The following VRK2 variants were observed in gnomAD, a reference collection of about 807,000 sequenced individuals.
The protein encoded by VRK2 is serine/threonine-protein kinase VRK2.
A neutral mutation model predicts 57.6 loss-of-function variants in VRK2; 60 were observed. The ratio of observed to expected loss-of-function variants is 1.04; its 90% CI spans 0.85 to 1.29. The LOEUF (loss-of-function observed/expected upper bound fraction) is 1.29. Ranked by LOEUF, VRK2 falls within the 50% of genes most tolerant of loss-of-function variation. The pLI is 0.00. For missense variants in VRK2, 705 were observed against 588.1 expected (o/e 1.20, Z -2.06); for synonymous variants, 231 against 199.2 (o/e 1.16, Z -1.35).
intron 1 of VRK2, among the ~76,000 whole-genome samples, chr2:57,997,572 G>A (rs1035236875): frequency 2.6e-5 from 4 of 152,210 alleles, no homozygotes; most frequent in Non-Finnish European, 5.9e-5. Context: ...TAGATATGCT[G>A]AGTCAATAGA....
intron 2 of VRK2, among the ~76,000 whole-genome samples, chr2:58,080,067 G>T (rs1487511820): frequency 6.6e-6 from 1 of 151,814 alleles, no homozygotes; most frequent in African/African-American, 2.4e-5. Context: ...TAGGTGCTTG[G>T]AACACATCTG....
chr2:57,969,843 C>T (rs1164100294), intron 1 of VRK2, among the ~76,000 whole-genome samples: 1 of 151,998 alleles, frequency 6.6e-6, no homozygotes, highest in African/African-American at 2.4e-5. Context: ...GATTTGGTAG[C>T]CCCATTGTCC....
chr2:58,073,437 G>C (rs1669623664), intron 2 of VRK2, among the ~76,000 whole-genome samples: 1 of 151,730 alleles, frequency 6.6e-6, no homozygotes, highest in African/African-American at 2.4e-5. Context: ...GGATTTGTCT[G>C]TTTTTCCTTC....
intron 7 of VRK2, among the ~76,000 whole-genome samples, chr2:58,100,833 A>C (rs1673854867): frequency 6.6e-6 from 1 of 151,892 alleles, no homozygotes; most frequent in Non-Finnish European, 1.5e-5. Flanking sequence ...TTTTATTTCC[A>C]TCTAACTTTG....
intron 8 of VRK2, among the ~76,000 whole-genome samples, chr2:58,129,789 T>C (rs1049881144): frequency 6.6e-6 from 1 of 152,186 alleles, no homozygotes; most frequent in African/African-American, 2.4e-5. Flanking sequence ...GTCAGAAACA[T>C]TTTTAGTCAC....
intron 2 of VRK2, among the ~76,000 whole-genome samples, chr2:58,028,895 AATAAATAAATATATATATATATATATAT>A (rs1674019887): frequency 1.7e-5 from 1 of 57,312 alleles, no homozygotes; most frequent in African/African-American, 7.1e-5. Flanking sequence ...TAAATAAATA[AATAAATAAATATATATATATATATATAT>A]ATATATATAT....
chr2:58,002,916 A>C (rs1673133087), intron 1 of VRK2, among the ~76,000 whole-genome samples: 1 of 152,236 alleles, frequency 6.6e-6, no homozygotes, highest in East Asian at 1.9e-4. Context: ...ACTTGTAGAA[A>C]GAAAATCAAC....
At chr2:58,116,822 A>G (rs1676583731) in intron 7 of VRK2, among the ~76,000 whole-genome samples, 1 of 152,176 alleles carries the variant, frequency 6.6e-6, no homozygotes, top group African/African-American at 2.4e-5. Context: ...CTTAGGAGGA[A>G]TCCTGGGCTG....
intron 1 of VRK2, among the ~76,000 whole-genome samples, chr2:57,927,562 T>C (rs1344089689): frequency 1.3e-5 from 2 of 152,194 alleles, no homozygotes; most frequent in African/African-American, 4.8e-5. Flanking sequence ...TTAGTCTTTC[T>C]ACTCAGGATA....
rs370418002 is a variant in VRK2 at position 57,935,744 on chromosome 2, C to A, written c.-439+27905C>A. Among the ~76,000 whole-genome samples, 53 of 152,240 alleles carry A rather than the reference C, an allele frequency of 3.5e-4. 1 individual carries two copies. In the South Asian group the frequency reaches 0.01, roughly 30 times the overall value. On this transcript the variant is annotated intron_variant, in intron 1 of 15. Coordinates refer to the VRK2 transcript ENST00000417641. ...AAAAAGTATACCTTTTGGGAAATATCCTGCATGGCTAGAGGAACAAGGTGC... is the reference window on the plus strand; with the variant it reads ...AAAAAGTATACCTTTTGGGAAATATACTGCATGGCTAGAGGAACAAGGTGC...
chr2:58,139,471 A>T (rs1681014123), intron 10 of VRK2, among the ~76,000 whole-genome samples, 195 bp from the exon 11 acceptor site: 1 of 152,098 alleles, frequency 6.6e-6, no homozygotes, highest in South Asian at 2.1e-4. Context: ...TTGTCTCATC[A>T]ATTCTGTAGG....
At chr2:58,087,364 C>T (rs529958050) in intron 5 of VRK2, among the ~76,000 whole-genome samples, 7 of 152,094 alleles carry the variant, frequency 4.6e-5, no homozygotes, top group Non-Finnish European at 1.0e-4. Flanking sequence ...CATGATACAT[C>T]CATATCATGT....
chr2:58,088,461 T>C lies in VRK2; in HGVS notation c.450+15T>C, dbSNP rs1671937547. The stretch of plus-strand genomic sequence containing the variant: ...GTATCCGAATGGTAAGAATTACTTA[T>C]TTCGCATGCTCCATTTCCAAATTGT... On this transcript the variant is annotated intron_variant, in intron 6 of 12. Transcript: ENST00000340157. 6.5e-7 allele frequency: 1 copy of C among 1,539,142 alleles called. No individual in the cohort carries two copies. The highest frequency in any genetic ancestry group is 1.7e-5 in the Admixed American group (1 of 58,602).
At chr2:58,026,492 A>G (rs573826366) in intron 2 of VRK2, among the ~76,000 whole-genome samples, 14 of 152,340 alleles carry the variant, frequency 9.2e-5, no homozygotes, top group Non-Finnish European at 1.9e-4. Flanking sequence ...AAAAATAAGC[A>G]GGTTCCCAAA....
intron 7 of VRK2, among the ~76,000 whole-genome samples, chr2:58,106,929 T>C (rs1280374428): frequency 6.6e-6 from 1 of 152,080 alleles, no homozygotes; most frequent in Non-Finnish European, 1.5e-5. Flanking sequence ...TTGTAGGGTT[T>C]TATTATTGGC....
chr2:57,998,993 A>C (rs1260684190), intron 1 of VRK2, among the ~76,000 whole-genome samples: 1 of 152,100 alleles, frequency 6.6e-6, no homozygotes, highest in Admixed American at 6.5e-5. Context: ...AGAATTTTGT[A>C]GAATTGTGTG....
At chr2:58,018,698 C>T (rs1299360886) in intron 1 of VRK2, among the ~76,000 whole-genome samples, 2 of 151,942 alleles carry the variant, frequency 1.3e-5, no homozygotes, top group African/African-American at 4.8e-5. Context: ...GTTTATTTAC[C>T]TTTATAGTAG....
At chr2:58,132,260 T>C (rs1009903006) in intron 9 of VRK2, among the ~76,000 whole-genome samples, 1 of 152,196 alleles carries the variant, frequency 6.6e-6, no homozygotes, top group South Asian at 2.1e-4. Flanking sequence ...TATGTTGAAG[T>C]AGTCTGAGCT....
chr2:57,930,002 G>C (rs1372968287), intron 1 of VRK2, among the ~76,000 whole-genome samples: 2 of 151,976 alleles, frequency 1.3e-5, no homozygotes, highest in Admixed American at 6.6e-5. Flanking sequence ...GTTTCTCCCA[G>C]AGCTGTGAGC....
Sources: gnomAD v4.1 joint callset for allele counts (sites outside exome capture counted in the v4.1 genomes callset) on GRCh38, gnomAD v4.1.1 for gene constraint, MANE v1.5 for transcripts, NCBI Gene and HGNC (gene_info 2026-07-23, HGNC 2026-07-21) for gene names.